Variants in SPOCK1 observed in about 807,000 individuals in gnomAD.
SPOCK1 encodes the protein SPARC (osteonectin), cwcv and kazal like domains proteoglycan 1.
Under a neutral mutation model 55.3 loss-of-function variants are expected in SPOCK1, and 23 were observed. That is an observed-to-expected ratio of 0.42 (90% CI 0.30 to 0.59). SPOCK1 has a LOEUF of 0.59. Ranked by LOEUF, SPOCK1 falls within the 20% of genes least tolerant of loss-of-function variation. The pLI is 0.22. For synonymous variants in SPOCK1, 226 were observed against 221.0 expected, an observed-to-expected ratio of 1.02 and a Z score of -0.20; for missense variants, 499 against 552.5, an observed-to-expected ratio of 0.90 and a Z score of 0.97.
chr5:136,978,889 T>C lies in SPOCK1; in HGVS notation c.1130-45A>G, dbSNP rs373493837. ...ATTGAGGTTAGTTTCCACTTATACC[T>C]CATGACCCACGTCAGGGGTTCCTTT... On this transcript the variant is annotated intron_variant, in intron 10 of 10. Transcript: ENST00000394945. The C allele has an allele frequency of 5.8e-6, 9 of 1,550,424 alleles. No individual in the cohort carries two copies. The African/African-American group carries it at 9.6e-5, about 16-fold the overall frequency.
chr5:137,494,682 G>A (rs1348371266), intron 2 of SPOCK1, among the ~76,000 whole-genome samples: 2 of 152,218 alleles, frequency 1.3e-5, no homozygotes, highest in African/African-American at 4.8e-5. Flanking sequence ...GTCTATGACA[G>A]CATAAGTTAA....
intron 3 of SPOCK1, among the ~76,000 whole-genome samples, chr5:137,196,129 C>T (rs1023252766): frequency 6.6e-6 from 1 of 152,136 alleles, no homozygotes; most frequent in Non-Finnish European, 1.5e-5. Flanking sequence ...TAGATCATTG[C>T]CTCAGGCCCT....
At chr5:137,168,376 C>A (rs1338709927) in intron 3 of SPOCK1, among the ~76,000 whole-genome samples, 2 of 152,032 alleles carry the variant, frequency 1.3e-5, no homozygotes, top group African/African-American at 4.8e-5. Flanking sequence ...TAAAAAGCTT[C>A]TGAACAGCAA....
At chr5:137,224,935 G>T (rs903348991) in intron 3 of SPOCK1, among the ~76,000 whole-genome samples, 2 of 152,084 alleles carry the variant, frequency 1.3e-5, no homozygotes, top group Non-Finnish European at 2.9e-5. Flanking sequence ...TTCACTTGTG[G>T]TACATTTCAA....
At chr5:137,207,121 C>A (rs1410823999) in intron 3 of SPOCK1, among the ~76,000 whole-genome samples, 1 of 152,224 alleles carries the variant, frequency 6.6e-6, no homozygotes, top group Admixed American at 6.5e-5. Flanking sequence ...TCTCAGGTCT[C>A]CAGAATGTCC....
chr5:137,319,303 G>A (rs1013824994), intron 2 of SPOCK1, among the ~76,000 whole-genome samples: 1 of 152,138 alleles, frequency 6.6e-6, no homozygotes, highest in African/African-American at 2.4e-5. Context: ...ATTTCCTTTG[G>A]CCTTTAATTG....
intron 3 of SPOCK1, among the ~76,000 whole-genome samples, chr5:137,221,262 T>C (rs527468469): frequency 6.6e-6 from 1 of 152,362 alleles, no homozygotes; most frequent in South Asian, 2.1e-4. Context: ...CAATGAGTTA[T>C]AGTTACTAAG....
intron 2 of SPOCK1, among the ~76,000 whole-genome samples, chr5:137,478,958 A>G (rs1024887310): frequency 6.6e-6 from 1 of 151,980 alleles, no homozygotes. Flanking sequence ...CCATTACTCC[A>G]CACCAGGCCT....
chr5:137,422,684 G>A (rs190894629), intron 2 of SPOCK1, among the ~76,000 whole-genome samples: 7 of 152,208 alleles, frequency 4.6e-5, no homozygotes, highest in Admixed American at 1.3e-4. Flanking sequence ...TTAGCCATTC[G>A]ACTAATTTTT....
intron 6 of SPOCK1, among the ~76,000 whole-genome samples, chr5:137,063,674 C>T (rs1387009737): frequency 6.6e-6 from 1 of 152,132 alleles, no homozygotes; most frequent in Non-Finnish European, 1.5e-5. Flanking sequence ...CATAATTCTC[C>T]CCATCTCTCA....
At chr5:137,254,737 G>A (rs778399097) in intron 3 of SPOCK1, among the ~76,000 whole-genome samples, 10 of 152,198 alleles carry the variant, frequency 6.6e-5, no homozygotes, top group Non-Finnish European at 1.0e-4. Flanking sequence ...CTGTGGGGTC[G>A]AACTAATCTA....
chr5:137,165,283 A>G (rs996359058), intron 3 of SPOCK1, among the ~76,000 whole-genome samples: 4 of 152,238 alleles, frequency 2.6e-5, no homozygotes, highest in African/African-American at 7.2e-5. Flanking sequence ...CTGCCTGCTA[A>G]TCCAGAGAAT....
In SPOCK1 at chr5:137,067,781, G is replaced by A. The variant is rs201888683; in HGVS notation, c.523C>T (p.Leu175Phe). The A allele has an allele frequency of 2.4e-5, 39 of 1,614,052 alleles. No homozygotes were observed. Among genetic ancestry groups the A allele is most frequent in the Admixed American group, 1.7e-5 (1 of 60,002 alleles). The change falls in exon 6 of 11, where the codon CTC (leucine) becomes TTC (phenylalanine). Residue 175 changes from leucine (L) to phenylalanine (F), a missense_variant. Coordinates refer to ENST00000394945, the MANE Select transcript of SPOCK1 (RefSeq NM_004598.4). ...ACSTGKSLATLCDGPCPCLPE... is the reference protein window; with the variant it reads ...ACSTGKSLATFCDGPCPCLPE... Reference sequence around the variant, plus strand: ...AGACAGGGACAGGGCCCATCACAGAGGGTGGCGAGGCTTTTGCCAGTAGAA... The same window carrying A: ...AGACAGGGACAGGGCCCATCACAGAAGGTGGCGAGGCTTTTGCCAGTAGAA...
At chr5:137,111,558 G>A (rs1409362547) in intron 5 of SPOCK1, among the ~76,000 whole-genome samples, 1 of 152,108 alleles carries the variant, frequency 6.6e-6, no homozygotes, top group Non-Finnish European at 1.5e-5. Flanking sequence ...TGAAAATGAA[G>A]AAGCAAACTC....
At chr5:137,272,078 C>A (rs1228998537) in intron 2 of SPOCK1, among the ~76,000 whole-genome samples, 1 of 152,182 alleles carries the variant, frequency 6.6e-6, no homozygotes, top group Non-Finnish European at 1.5e-5. Context: ...CAGATACACA[C>A]AAAATGGAGA....
At chr5:137,032,042 A>T (rs916201945) in intron 6 of SPOCK1, among the ~76,000 whole-genome samples, 1 of 148,114 alleles carries the variant, frequency 6.8e-6, no homozygotes, top group Admixed American at 6.8e-5. Flanking sequence ...ATATATATAT[A>T]ATATATAATA....
At chr5:137,298,015 G>A (rs958485250) in intron 2 of SPOCK1, among the ~76,000 whole-genome samples, 3 of 152,130 alleles carry the variant, frequency 2.0e-5, no homozygotes, top group South Asian at 2.1e-4. Flanking sequence ...TCAGACAGAC[G>A]TGGCCCCAAC....
At chr5:137,201,865 C>T (rs1755432735) in intron 3 of SPOCK1, among the ~76,000 whole-genome samples, 2 of 152,162 alleles carry the variant, frequency 1.3e-5, no homozygotes, top group Admixed American at 6.5e-5. Flanking sequence ...CAGCTCTATT[C>T]CATGCAGGGG....
intron 3 of SPOCK1, among the ~76,000 whole-genome samples, chr5:137,169,846 G>A (rs1754715730): frequency 6.6e-6 from 1 of 152,190 alleles, no homozygotes; most frequent in Non-Finnish European, 1.5e-5. Context: ...AAGATTCAAA[G>A]CTACAATTCT....
Sources: gnomAD v4.1 joint callset for allele counts (sites outside exome capture counted in the v4.1 genomes callset) on GRCh38, gnomAD v4.1.1 for gene constraint, MANE v1.5 for transcripts, NCBI Gene and HGNC (gene_info 2026-07-23, HGNC 2026-07-21) for gene names.